LRCOL1: variants seen among roughly 807,000 people sequenced by gnomAD.
LRCOL1 encodes the protein leucine-rich colipase-like protein 1.
A neutral mutation model predicts 21.6 loss-of-function variants in LRCOL1; 21 were observed. That is an observed-to-expected ratio of 0.97 (90% CI 0.69 to 1.40). The LOEUF (loss-of-function observed/expected upper bound fraction) is 1.40, where lower values mean the gene tolerates loss of function less well. Ranked by LOEUF, LRCOL1 falls within the 40% of genes most tolerant of loss-of-function variation. The pLI is 0.00. For missense variants in LRCOL1, 198 were observed against 202.3 expected, an observed-to-expected ratio of 0.98 and a Z score of 0.13; for synonymous variants, 98 against 90.1, an observed-to-expected ratio of 1.09 and a Z score of -0.49.
Position 132,603,929 on chromosome 12 carries a change from T to TCGGG in LRCOL1, c.477+324_477+325insCCCG, listed in dbSNP as rs1555295730. On this transcript the variant is annotated intron_variant, in intron 5 of 5. Transcript: ENST00000376608. ...CCAGGGCTGGTGAGGCTGTTCCCTC[T>TCGGG]CCGGCCTGAAGACGTCCAACCCCAG... 1.9e-5 allele frequency: 23 copies of TCGGG among 1,223,120 alleles called. No individual in the cohort carries two copies. In the African/African-American group the frequency reaches 3.7e-4, roughly 19 times the overall value. The allele number at this position is 1,223,120 out of a possible 1,614,324, so 75.8% of individuals were successfully genotyped here.
Position 132,606,892 on chromosome 12 carries a change from G to T in LRCOL1, c.-13-628C>A, listed in dbSNP as rs994913506. Among the ~76,000 whole-genome samples, 9 of 152,260 alleles carry T rather than the reference G, an allele frequency of 5.9e-5. No individual in the cohort carries two copies. The highest frequency in any genetic ancestry group is 2.2e-4 in the African/African-American group (9 of 41,582). The stretch of plus-strand genomic sequence containing the variant: ...TTCTTTTTAGCACTGCATGGAAAAT[G>T]GATTTTTTTTAACACATCGAGGCAA... On this transcript the variant is annotated intron_variant, in intron 1 of 5. Coordinates refer to ENST00000376608, the MANE Select transcript of LRCOL1 (RefSeq NM_001195520.2). This position sits in a 1 kb window ranked among gnomAD's most constrained non-coding sequence, Gnocchi z 4.6.
Position 132,610,007 on chromosome 12 carries a change from C to T in LRCOL1, c.-14+316G>A, listed in dbSNP as rs562686142. The stretch of plus-strand genomic sequence containing the variant: ...AAAGACATTGCAAATCTCCATAGAT[C>T]GTCTGCGAAACCACAGCTTTCATGT... On this transcript the variant is annotated intron_variant, in intron 1 of 5. Transcript: ENST00000376608. Among the ~76,000 whole-genome samples the T allele has an allele frequency of 7.9e-5, 12 of 152,346 alleles. No homozygotes were observed. In the South Asian group the frequency reaches 2.3e-3, roughly 29 times the overall value.
At chr12:132,604,053 AGTG>A in intron 5 of LRCOL1, 198 bp downstream of exon 5, 1 of 1,401,600 alleles carries the variant, frequency 7.1e-7, no homozygotes, top group Non-Finnish European at 9.2e-7. Context: ...TGGTGGGCTC[AGTG>A]CCAGCCCAGG....
intron 2 of LRCOL1, 197 bp downstream of exon 2, chr12:132,605,950 C>T (rs1218136418): frequency 2.7e-5 from 16 of 600,684 alleles, no homozygotes; most frequent in Non-Finnish European, 4.1e-5. Context: ...GCAGCACAGC[C>T]GGGCGTGTGG....
chr12:132,605,034 T>G (rs555417169), intron 2 of LRCOL1: 1 of 1,408,878 alleles, frequency 7.1e-7, no homozygotes, highest in East Asian at 2.7e-5. Context: ...AAAGGGAATG[T>G]CTACTGTGAG....
chr12:132,610,017 A>T (rs2041353660), intron 1 of LRCOL1, among the ~76,000 whole-genome samples: 1 of 152,228 alleles, frequency 6.6e-6, no homozygotes, highest in South Asian at 2.1e-4. Flanking sequence ...CGTCTGCGAA[A>T]CCACAGCTTT....
chr12:132,605,308 A>G (rs1039019729), intron 2 of LRCOL1: 2 of 177,910 alleles, frequency 1.1e-5, no homozygotes, highest in Admixed American at 1.3e-4. Flanking sequence ...TTGTTTGCTC[A>G]GAGTGTTGTG....
intron 1 of LRCOL1, among the ~76,000 whole-genome samples, chr12:132,608,674 CT>C: frequency 6.6e-6 from 1 of 152,330 alleles, no homozygotes; most frequent in Middle Eastern, 3.4e-3. Flanking sequence ...TCAGGTGATC[CT>C]CCCAGCTCAG....
intron 5 of LRCOL1, 60 bp downstream of exon 5, chr12:132,604,194 G>A (rs973254133): frequency 2.0e-5 from 29 of 1,485,212 alleles, no homozygotes; most frequent in Non-Finnish European, 2.1e-5. Context: ...GTGTTTCTGT[G>A]CGACTTCCCT....
chr12:132,607,035 T>C lies in LRCOL1; in HGVS notation c.-13-771A>G, dbSNP rs377101588. ...GGGGGCCTCAGCCTGGGGTCCCTCC[T>C]GGAGGGGCCCTTGCTGCCCAGCCCC... On this transcript the variant is annotated intron_variant, in intron 1 of 5. Transcript: ENST00000376608. 4.6e-5 allele frequency among the ~76,000 whole-genome samples: 7 copies of C among 152,294 alleles called. No individual in the cohort carries two copies. In the East Asian group the frequency reaches 1.2e-3, roughly 25 times the overall value.
At chr12:132,605,590 G>GCAAAA (rs2041296271) in intron 2 of LRCOL1, among the ~76,000 whole-genome samples, 1 of 152,020 alleles carries the variant, frequency 6.6e-6, no homozygotes, top group African/African-American at 2.4e-5. Flanking sequence ...TTAGCCAGGC[G>GCAAAA]TGGTGGCGCG....
rs1395044121 is a variant in LRCOL1 at position 132,605,230 on chromosome 12, C to T, written c.106-399G>A. ...AGCTGAGAGCCAGGCCTCCCCCCTG[C>T]ACCACGGCTTGTAGCCACCCCCCAC... is the stretch of plus-strand genomic sequence containing the variant. On this transcript the variant is annotated intron_variant, in intron 2 of 5. Transcript: ENST00000376608. 1.3e-5 allele frequency: 9 copies of T among 703,718 alleles called. No homozygotes were observed. In the South Asian group the frequency reaches 4.4e-4, roughly 35 times the overall value. The allele number at this position is 703,718 out of a possible 1,614,324, so 43.6% of individuals were successfully genotyped here.
At chr12:132,609,210 C>T (rs2041347600) in intron 1 of LRCOL1, among the ~76,000 whole-genome samples, 1 of 152,174 alleles carries the variant, frequency 6.6e-6, no homozygotes, top group African/African-American at 2.4e-5. Flanking sequence ...CGTTTGATCC[C>T]ACGTGTGAGG....
At position 132,604,693 on chromosome 12, in the gene LRCOL1, G is replaced by A. The variant is rs909741131; in HGVS notation, c.231+13C>T. On this transcript the variant is annotated intron_variant, in intron 3 of 5. Coordinates refer to ENST00000376608, the MANE Select transcript of LRCOL1 (RefSeq NM_001195520.2). ...GTCTCGCTCCTCCACCCCCGCCCCT[G>A]CACGCACCTCACCTTCCTCCAGGGC... The A allele has an allele frequency of 6.5e-7, 1 of 1,534,914 alleles. No homozygotes were observed. The highest frequency in any genetic ancestry group is 2.4e-5 in the East Asian group (1 of 40,892).
intron 1 of LRCOL1, among the ~76,000 whole-genome samples, chr12:132,608,516 C>T (rs1011523254): frequency 3.9e-5 from 6 of 152,266 alleles, no homozygotes; most frequent in Non-Finnish European, 7.3e-5. Flanking sequence ...GCCACATCCC[C>T]AGCCATCAGG....
intron 5 of LRCOL1, 52 bp from the exon 6 acceptor site, chr12:132,603,456 G>T (rs903942221): frequency 2.6e-6 from 4 of 1,535,980 alleles, no homozygotes; most frequent in Non-Finnish European, 3.5e-6. Context: ...GCCTCGAAGC[G>T]GCCGCGGAAG....
chr12:132,609,200 C>A (rs1437862690), intron 1 of LRCOL1, among the ~76,000 whole-genome samples: 1 of 152,172 alleles, frequency 6.6e-6, no homozygotes, highest in African/African-American at 2.4e-5. Context: ...GCTCAAATAC[C>A]GTTTGATCCC....
In LRCOL1 at chr12:132,604,355, T is replaced by C; in HGVS notation, c.376A>G (p.Ser126Gly). 1.3e-6 allele frequency: 2 copies of C among 1,535,810 alleles called. No individual in the cohort carries two copies. The highest frequency in any genetic ancestry group is 1.7e-6 in the Non-Finnish European group (2 of 1,146,750). Residue 126 changes from serine (S) to glycine (G), a missense_variant, in exon 5 of 6, where the codon AGC (serine) becomes GGC (glycine). Physicochemically the swap from Ser to Gly is moderately conservative, Grantham distance 56. Transcript: ENST00000376608. Reference sequence around the variant, plus strand: ...CACTGGCTGTGACACTCCTGATGGCTGCTGCAGAAGTCGCCGTTGGGCTGG... The same window carrying C: ...CACTGGCTGTGACACTCCTGATGGCCGCTGCAGAAGTCGCCGTTGGGCTGG... ...WRKPNGDFCS[S>G]HQECHSQCCI...
intron 5 of LRCOL1, 59 bp from the exon 6 acceptor site, chr12:132,603,463 G>A: frequency 1.3e-6 from 2 of 1,535,910 alleles, no homozygotes; most frequent in Admixed American, 3.9e-5. Context: ...AGCGGCCGCG[G>A]AAGGAGGACG....
Sources: gnomAD v4.1 joint callset for allele counts (sites outside exome capture counted in the v4.1 genomes callset) on GRCh38, gnomAD v4.1.1 for gene constraint, Gnocchi (gnomAD v3.1) non-coding constraint, MANE v1.5 for transcripts, NCBI Gene and HGNC (gene_info 2026-07-23, HGNC 2026-07-21) for gene names.